Variants in ARHGAP40 observed in about 807,000 individuals in gnomAD.
ARHGAP40 encodes the protein rho GTPase-activating protein 40.
Under a neutral mutation model 73.5 loss-of-function variants are expected in ARHGAP40, and 43 were observed. The observed-to-expected ratio is 0.58, with a 90% CI of 0.46 to 0.75. ARHGAP40 has a LOEUF of 0.75. Ranked by LOEUF, ARHGAP40 falls within the 30% of genes least tolerant of loss-of-function variation. The pLI is 0.00. For synonymous variants in ARHGAP40, 300 were observed against 352.8 expected (o/e 0.85, Z 1.68); for missense variants, 734 against 861.8 (o/e 0.85, Z 1.86).
In ARHGAP40 at chr20:38,637,807, G is replaced by A. The variant is rs373577530; in HGVS notation, c.1041+8G>A. On this transcript the variant is annotated splice_region_variant and intron_variant, in intron 7 of 14. Coordinates refer to ENST00000373345, the Ensembl canonical transcript of ARHGAP40. ...CCGCTGGTCCTTCAAGCCGTAAGTC[G>A]CCCCTACCCCAGCTTGGGTTTATTT... The A allele has an allele frequency of 1.1e-5, 14 of 1,304,138 alleles. No homozygotes were observed. The highest frequency in any genetic ancestry group is 1.4e-5 in the Non-Finnish European group (14 of 988,598). 80.8% of individuals were successfully genotyped at this position (1,304,138 alleles called of 1,614,324 possible).
intron 6 of ARHGAP40, among the ~76,000 whole-genome samples, chr20:38,637,248 C>T (rs974114979): frequency 1.3e-5 from 2 of 151,764 alleles, no homozygotes; most frequent in African/African-American, 2.4e-5. Flanking sequence ...TGGATTCAAG[C>T]GATTCTCCTG....
intron 1 of ARHGAP40, among the ~76,000 whole-genome samples, chr20:38,616,932 G>C (rs1214815312): frequency 1.1e-5 from 1 of 92,254 alleles, no homozygotes; most frequent in African/African-American, 3.8e-5. Flanking sequence ...TGAGCTTGAG[G>C]AACTTTATTT....
chr20:38,615,835 C>G (rs768838291), intron 1 of ARHGAP40, among the ~76,000 whole-genome samples: 1 of 152,202 alleles, frequency 6.6e-6, no homozygotes, highest in Admixed American at 6.5e-5. Flanking sequence ...CCAAACCCAG[C>G]AGCAATCATT....
chr20:38,604,481 C>T (rs1408892263), intron 1 of ARHGAP40, among the ~76,000 whole-genome samples: 4 of 151,638 alleles, frequency 2.6e-5, no homozygotes, highest in Non-Finnish European at 4.4e-5. Flanking sequence ...CTGCAACCTC[C>T]GCCTCCCGGG....
intron 6 of ARHGAP40, among the ~76,000 whole-genome samples, chr20:38,635,300 T>A (rs1299393687): frequency 1.3e-5 from 2 of 152,202 alleles, no homozygotes; most frequent in South Asian, 2.1e-4. Context: ...AAAATATAAT[T>A]CAGAAAAGCA....
At chr20:38,641,795 G>A in exon 10 of ARHGAP40, 3 of 1,293,584 alleles carry the variant, frequency 2.3e-6, no homozygotes, top group Non-Finnish European at 3.0e-6. Context: ...GAACCCAACA[G>A]AAATGCCTTA....
intron 1 of ARHGAP40, 144 bp downstream of exon 1, chr20:38,602,223 C>T: frequency 9.3e-7 from 1 of 1,080,590 alleles, no homozygotes; most frequent in Non-Finnish European, 1.2e-6. Flanking sequence ...AGCCCGGTCA[C>T]CTGGCTGTCA....
intron 5 of ARHGAP40, among the ~76,000 whole-genome samples, chr20:38,631,807 T>C (rs1230271197): frequency 6.6e-6 from 1 of 152,184 alleles, no homozygotes; most frequent in Non-Finnish European, 1.5e-5. Context: ...TCTATTCCAA[T>C]GTGAGAGTAC....
At chr20:38,606,520 G>A (rs1313408175) in intron 1 of ARHGAP40, among the ~76,000 whole-genome samples, 1 of 152,078 alleles carries the variant, frequency 6.6e-6, no homozygotes, top group Non-Finnish European at 1.5e-5. Flanking sequence ...TAATTGGATT[G>A]GGAGAAACCT....
chr20:38,627,655 TGTGTGTGGGG>T (rs2088910773), intron 3 of ARHGAP40, among the ~76,000 whole-genome samples: 2 of 139,080 alleles, frequency 1.4e-5, no homozygotes. Context: ...GGTGTGTTGG[TGTGTGTGGGG>T]GTGTGTTGGT....
chr20:38,626,016 A>T (rs1568607238), intron 2 of ARHGAP40, among the ~76,000 whole-genome samples: 2 of 152,194 alleles, frequency 1.3e-5, no homozygotes, highest in Non-Finnish European at 2.9e-5. Context: ...AAACAAAAAA[A>T]TGTCTGGCAT....
chr20:38,626,164 C>G (rs1465099043), intron 2 of ARHGAP40, among the ~76,000 whole-genome samples: 1 of 152,168 alleles, frequency 6.6e-6, no homozygotes, highest in African/African-American at 2.4e-5. Context: ...TTTGCAAAAC[C>G]CAGGCTGCCA....
intron 14 of ARHGAP40, 148 bp from the exon 15 acceptor site, chr20:38,649,609 T>G (rs1004069269): frequency 7.2e-6 from 3 of 414,798 alleles, no homozygotes; most frequent in African/African-American, 6.3e-5. Flanking sequence ...CGGAGCTCAG[T>G]TCTCCAGCAA....
At chr20:38,603,451 A>ATCTATCTATCTATCTG (rs1555889756) in intron 1 of ARHGAP40, among the ~76,000 whole-genome samples, 2,044 of 150,104 alleles carry the variant, frequency 0.014, 22 homozygotes, top group East Asian at 0.02. Flanking sequence ...CTATCTATCT[A>ATCTATCTATCTATCTG]TCTATCTATC....
chr20:38,634,690 A>G (rs1169487880), exon 6 of ARHGAP40: 6 of 1,305,296 alleles, frequency 4.6e-6, no homozygotes, highest in Non-Finnish European at 6.1e-6. Flanking sequence ...GATATGAGGA[A>G]GGTACCTTCT....
rs1469081927 is a variant in ARHGAP40, at chr20:38,646,072, T to C, written c.1595T>C (p.Val532Ala). The change falls in exon 12 of 15, where the codon GTG becomes GCG. Residue 532 changes from valine to alanine, a missense_variant. Val to Ala is a moderately conservative substitution (Grantham distance 64). Transcript: ENST00000373345. This position sits in a 1 kb window ranked among gnomAD's most constrained non-coding sequence, Gnocchi z 4.5. ...GTCGCCTCTTTCCTGGTCGCCCAGGTGCGAAAACTGAACGACAGTAGCAGC... is the reference window on the plus strand; with the variant it reads ...GTCGCCTCTTTCCTGGTCGCCCAGGCGCGAAAACTGAACGACAGTAGCAGC... 7.7e-7 allele frequency: 1 copy of C among 1,304,116 alleles called. No individual in the cohort carries two copies. Among genetic ancestry groups the C allele is most frequent in the South Asian group, 1.2e-5 (1 of 81,012 alleles). The allele number at this position is 1,304,116 out of a possible 1,614,324, so 80.8% of individuals were successfully genotyped here.
chr20:38,625,668 C>T (rs963551670), intron 2 of ARHGAP40, among the ~76,000 whole-genome samples: 1 of 152,224 alleles, frequency 6.6e-6, no homozygotes, highest in Non-Finnish European at 1.5e-5. Context: ...ATCTGCCCAC[C>T]TTGGCCTCCC....
intron 1 of ARHGAP40, among the ~76,000 whole-genome samples, chr20:38,617,884 A>C (rs1421488563): frequency 6.6e-6 from 1 of 152,214 alleles, no homozygotes; most frequent in Non-Finnish European, 1.5e-5. Context: ...TTAGCTTCCT[A>C]GTAACTGGCC....
At chr20:38,610,848 A>G (rs1254556894) in intron 1 of ARHGAP40, among the ~76,000 whole-genome samples, 3 of 151,758 alleles carry the variant, frequency 2.0e-5, no homozygotes, top group African/African-American at 7.3e-5. Flanking sequence ...TTATTGTCAC[A>G]AAAAGTCTGT....
Sources: allele counts gnomAD v4.1 joint callset (sites outside exome capture counted in the v4.1 genomes callset), GRCh38; gene constraint gnomAD v4.1.1; non-coding constraint Gnocchi (gnomAD v3.1); transcripts MANE v1.5; gene names NCBI Gene and HGNC (gene_info 2026-07-23, HGNC 2026-07-21).